Variants in LYST observed in about 807,000 individuals in gnomAD.
LYST encodes lysosomal-trafficking regulator.
In LYST, 192 loss-of-function variants were observed where a neutral mutation model predicts 413.6. The ratio of observed to expected loss-of-function variants is 0.46; its 90% CI spans 0.41 to 0.52. LYST has a LOEUF of 0.52. Ranked by LOEUF, LYST falls within the 20% of genes least tolerant of loss-of-function variation. The probability of loss-of-function intolerance (pLI) is 0.00; values close to 1 mark genes in which losing one functional copy is unlikely to be tolerated. For synonymous variants in LYST, 1,525 were observed against 1,567.3 expected, an observed-to-expected ratio of 0.97 and a Z score of 0.64; for missense variants, 3,815 against 4,499.9, an observed-to-expected ratio of 0.85 and a Z score of 4.35.
rs141827803 is a variant in LYST at position 235,664,870 on chromosome 1, C to T, written c.11039-249G>A. Among the ~76,000 whole-genome samples the T allele has an allele frequency of 7.2e-5, 11 of 152,300 alleles. No individual in the cohort carries two copies. The East Asian group carries it at 2.1e-3, about 29-fold the overall frequency. ...GGAGTGCAGTGGTGTGATCTTGGCTCACTGTAACTGCCTCCTGAATTCAAG... is the reference window on the plus strand; with the variant it reads ...GGAGTGCAGTGGTGTGATCTTGGCTTACTGTAACTGCCTCCTGAATTCAAG... On this transcript the variant is annotated intron_variant, in intron 50 of 52. Transcript: ENST00000389793. The surrounding 1 kb of genome is among the most constrained non-coding windows in gnomAD (Gnocchi z 4.5).
chr1:235,747,693 T>C (rs1267965302), intron 28 of LYST, among the ~76,000 whole-genome samples: 1 of 152,198 alleles, frequency 6.6e-6, no homozygotes, highest in African/African-American at 2.4e-5. Flanking sequence ...GGTATGATAA[T>C]ACACTGAATA....
chr1:235,766,137 A>T lies in LYST; in HGVS notation c.6063T>A (p.Pro2021=). Reference sequence around the variant, plus strand: ...TGTGACAAACGTAAGTATTAGTAGGAGGGTGAACTGCTAAAAGGAAATTGA... The same window carrying T: ...TGTGACAAACGTAAGTATTAGTAGGTGGGTGAACTGCTAAAAGGAAATTGA... ...IIFNFLLAVH[P]PTNTYVCHNP... Residue 2021 remains proline, a synonymous_variant, in exon 21 of 53, where the codon CCT becomes CCA. Coordinates refer to ENST00000389793, the MANE Select transcript of LYST (RefSeq NM_000081.4). 1 of 1,613,418 alleles carries T rather than the reference A, an allele frequency of 6.2e-7. No homozygotes were observed. Among genetic ancestry groups the T allele is most frequent in the Non-Finnish European group, 8.5e-7 (1 of 1,179,370 alleles).
At chr1:235,823,101 C>T (rs765597696) in intron 3 of LYST, among the ~76,000 whole-genome samples, 5 of 152,200 alleles carry the variant, frequency 3.3e-5, no homozygotes, top group Non-Finnish European at 5.9e-5. Flanking sequence ...TGGTCTGTTA[C>T]ACCACAATCA....
intron 25 of LYST, among the ~76,000 whole-genome samples, chr1:235,753,889 A>G (rs1666730137): frequency 6.6e-6 from 1 of 152,222 alleles, no homozygotes; most frequent in Non-Finnish European, 1.5e-5. Context: ...TGAAACTACC[A>G]TAACAATTTA....
chr1:235,672,802 G>A (rs60641298), intron 50 of LYST, among the ~76,000 whole-genome samples: 5 of 152,052 alleles, frequency 3.3e-5, no homozygotes, highest in Non-Finnish European at 4.4e-5. Context: ...GCTTATCCCC[G>A]TATAAAATGC....
At chr1:235,710,201 T>C (rs1446858015) in intron 43 of LYST, among the ~76,000 whole-genome samples, 1 of 152,172 alleles carries the variant, frequency 6.6e-6, no homozygotes, top group Non-Finnish European at 1.5e-5. Flanking sequence ...ACTTGGGAAG[T>C]ATTTTGAAAT....
At chr1:235,790,288 AGG>A (rs1167857488) in intron 12 of LYST, among the ~76,000 whole-genome samples, 6 of 152,230 alleles carry the variant, frequency 3.9e-5, no homozygotes, top group Non-Finnish European at 5.9e-5. Flanking sequence ...AATTAAAAAC[AGG>A]TGGGTTTCAA....
chr1:235,873,328 CA>C (rs1259507846), intron 1 of LYST, among the ~76,000 whole-genome samples: 1 of 152,164 alleles, frequency 6.6e-6, no homozygotes, highest in African/African-American at 2.4e-5. Flanking sequence ...TACTTGTGGG[CA>C]ACAGTGTCAT....
chr1:235,755,732 T>A, intron 24 of LYST, 85 bp from the exon 25 acceptor site: 1 of 765,814 alleles, frequency 1.3e-6, no homozygotes, highest in Non-Finnish European at 2.2e-6. Context: ...ACTGTATTTG[T>A]AAATTAAGTT....
chr1:235,865,543 T>G (rs1177014836), intron 1 of LYST, among the ~76,000 whole-genome samples: 1 of 152,228 alleles, frequency 6.6e-6, no homozygotes, highest in South Asian at 2.1e-4. Context: ...AGTATTTTTA[T>G]GCAAATTACA....
chr1:235,723,897 C>G, intron 39 of LYST, 131 bp downstream of exon 39: 2 of 780,774 alleles, frequency 2.6e-6, no homozygotes, highest in South Asian at 3.3e-5. Flanking sequence ...AAAGGCTTCA[C>G]TTTAATCAGG....
intron 34 of LYST, among the ~76,000 whole-genome samples, chr1:235,732,863 A>G (rs558917873): frequency 2.0e-5 from 3 of 152,328 alleles, no homozygotes; most frequent in Non-Finnish European, 4.4e-5. Flanking sequence ...TGCTGAAAAT[A>G]TATTTCCAGG....
At chr1:235,868,769 C>T (rs534267876), upstream of LYST, among the ~76,000 whole-genome samples, 1 of 152,272 alleles carries the variant, frequency 6.6e-6, no homozygotes, top group Non-Finnish European at 1.5e-5. Flanking sequence ...AGTCTCGGCT[C>T]ACTGCAACCT....
In LYST at chr1:235,791,744, TTTTC is replaced by T; in HGVS notation, c.4494_4497del (p.Lys1499GlufsTer5). 6.2e-7 allele frequency: 1 copy of T among 1,613,688 alleles called. No homozygotes were observed. Among genetic ancestry groups the T allele is most frequent in the Non-Finnish European group, 8.5e-7 (1 of 1,179,570 alleles). On this transcript the variant is annotated frameshift_variant, in exon 12 of 53. Transcript: ENST00000389793. LOFTEE classifies it high-confidence loss of function. ...TCTGGTAAAATTAATGATTTGTTTC[TTTTC>T]TTTATCTTCTTTCCTTTTTCTGTAG... is the stretch of plus-strand genomic sequence containing the variant.
At chr1:235,817,326 AG>A (rs1205823193) in intron 3 of LYST, among the ~76,000 whole-genome samples, 2 of 152,246 alleles carry the variant, frequency 1.3e-5, no homozygotes, top group Non-Finnish European at 2.9e-5. Context: ...AATTTCCCAA[AG>A]AACTTAAAAC....
At chr1:235,872,723 T>C (rs1042837657) in intron 1 of LYST, among the ~76,000 whole-genome samples, 44 of 152,286 alleles carry the variant, frequency 2.9e-4, no homozygotes, top group African/African-American at 1.0e-3. Flanking sequence ...GAGACCAGCC[T>C]GGCCAACATG....
intron 3 of LYST, among the ~76,000 whole-genome samples, chr1:235,821,424 C>CT (rs1385578124): frequency 2.0e-5 from 3 of 151,716 alleles, no homozygotes; most frequent in African/African-American, 7.3e-5. Flanking sequence ...ATGACAGAGT[C>CT]TTTTTTTCTG....
chr1:235,729,534 A>G, intron 37 of LYST, 62 bp downstream of exon 37: 1 of 1,108,808 alleles, frequency 9.0e-7, no homozygotes, highest in Non-Finnish European at 1.4e-6. Context: ...AACACTTTAA[A>G]TAATCTAAGA....
rs766081270 is a variant in LYST at position 235,686,729 on chromosome 1, CA to C, written c.10800+219del. 1.3e-5 allele frequency among the ~76,000 whole-genome samples: 2 copies of C among 152,050 alleles called. No individual in the cohort carries two copies. The highest frequency in any genetic ancestry group is 2.9e-5 in the Non-Finnish European group (2 of 68,014). On this transcript the variant is annotated intron_variant, in intron 48 of 52. Coordinates refer to ENST00000389793, the MANE Select transcript of LYST (RefSeq NM_000081.4). This position sits in a 1 kb window ranked among gnomAD's most constrained non-coding sequence, Gnocchi z 4.0. ...GCCTAAATACAAAACAGATCTAACT[CA>C]AAATACCGTCTCTGAAAAAAAATGG...
Sources: gnomAD v4.1 joint callset for allele counts (sites outside exome capture counted in the v4.1 genomes callset) on GRCh38, gnomAD v4.1.1 for gene constraint, Gnocchi (gnomAD v3.1) non-coding constraint, MANE v1.5 for transcripts, NCBI Gene and HGNC (gene_info 2026-07-23, HGNC 2026-07-21) for gene names.